DHCR24: variants seen among roughly 807,000 people sequenced by gnomAD.
DHCR24 encodes 24-dehydrocholesterol reductase, also known as delta(24)-sterol reductase.
Under a neutral mutation model 61.2 loss-of-function variants are expected in DHCR24, and 28 were observed. The observed-to-expected ratio is 0.46, with a 90% confidence interval of 0.34 to 0.63. The LOEUF (loss-of-function observed/expected upper bound fraction) is 0.63. Ranked by LOEUF, DHCR24 falls within the 20% of genes least tolerant of loss-of-function variation. DHCR24 has a pLI of 0.01. For synonymous variants in DHCR24, 261 were observed against 275.9 expected, an observed-to-expected ratio of 0.95 and a Z score of 0.54; for missense variants, 538 against 679.1, an observed-to-expected ratio of 0.79 and a Z score of 2.31.
In DHCR24 at chr1:54,868,792, G is replaced by A. The variant is rs559196719; in HGVS notation, c.876+2558C>T. On this transcript the variant is annotated intron_variant, in intron 5 of 8. Transcript: ENST00000371269. ...TCACAATAAACAAGAAAAAGGCTGG[G>A]TGCAGTGGGTCACGCCTGTAATCCC... is the stretch of plus-strand genomic sequence containing the variant. Among the ~76,000 whole-genome samples the A allele has an allele frequency of 2.4e-4, 37 of 152,280 alleles. 1 individual carries two copies. The highest frequency in any genetic ancestry group is 8.7e-4 in the African/African-American group (36 of 41,562).
intron 1 of DHCR24, 42 bp downstream of exon 1, chr1:54,886,847 C>T: frequency 1.2e-6 from 2 of 1,601,332 alleles, no homozygotes; most frequent in Admixed American, 3.4e-5. Flanking sequence ...CCGCGCACGC[C>T]GCCTCCGGCC....
chr1:54,865,245 C>T, intron 6 of DHCR24, 58 bp downstream of exon 6: 1 of 1,579,628 alleles, frequency 6.3e-7, no homozygotes, highest in Non-Finnish European at 8.6e-7. Flanking sequence ...TGTTAACTGT[C>T]CGGGCTCCCT....
intron 5 of DHCR24, among the ~76,000 whole-genome samples, chr1:54,866,317 T>C (rs912759394): frequency 4.6e-5 from 7 of 151,998 alleles, no homozygotes; most frequent in Non-Finnish European, 7.4e-5. Context: ...AGAAATTACA[T>C]ACATATGCCC....
intron 5 of DHCR24, among the ~76,000 whole-genome samples, chr1:54,868,848 C>T (rs541958881): frequency 1.3e-5 from 2 of 152,146 alleles, no homozygotes; most frequent in Non-Finnish European, 2.9e-5. Flanking sequence ...CAGGCGATCA[C>T]CTGAGCTCAG....
chr1:54,859,738 T>C lies in DHCR24; in HGVS notation c.1021-5504A>G, dbSNP rs115862327. Among the ~76,000 whole-genome samples, 1,097 of 152,356 alleles carry C rather than the reference T, an allele frequency of 7.2e-3. 4 individuals are homozygous for C. Among genetic ancestry groups the C allele is most frequent in the Middle Eastern group, 0.017 (5 of 294 alleles). Reference sequence around the variant, plus strand: ...CTCATCTATGGAATGGAAATAACACTAATATCTACTCTCAGAGGGTTGTTG... The same window carrying C: ...CTCATCTATGGAATGGAAATAACACCAATATCTACTCTCAGAGGGTTGTTG... On this transcript the variant is annotated intron_variant, in intron 6 of 8. Coordinates refer to ENST00000371269, the MANE Select transcript of DHCR24 (RefSeq NM_014762.4).
chr1:54,873,281 T>A (rs1257674181), intron 4 of DHCR24, among the ~76,000 whole-genome samples: 1 of 152,070 alleles, frequency 6.6e-6, no homozygotes, highest in Non-Finnish European at 1.5e-5. Flanking sequence ...ACTCATGTGT[T>A]TATGGTAACA....
chr1:54,859,133 T>C (rs963982034), intron 6 of DHCR24, among the ~76,000 whole-genome samples: 1 of 152,146 alleles, frequency 6.6e-6, no homozygotes, highest in Non-Finnish European at 1.5e-5. Flanking sequence ...CTCTCTTGGA[T>C]CACTTGCTCT....
Position 54,852,079 on chromosome 1 carries a change from TG to T in DHCR24, c.*153del. 1 of 868,656 alleles carries T rather than the reference TG, an allele frequency of 1.2e-6. No individual in the cohort carries two copies. Among genetic ancestry groups the T allele is most frequent in the Non-Finnish European group, 1.8e-6 (1 of 565,216 alleles). The allele number at this position is 868,656 out of a possible 1,614,324, so 53.8% of individuals were successfully genotyped here. A position where few individuals can be genotyped will look rare whatever the true frequency, so the allele number is the denominator to read the frequency against. On this transcript the variant is annotated 3_prime_UTR_variant, in exon 9 of 9. Transcript: ENST00000371269. ...CTTTCCATTCCACTGGGCTGCCCCC[TG>T]GAAGCCAGGAGGAAGGTGGTGTTGG...
intron 1 of DHCR24, among the ~76,000 whole-genome samples, chr1:54,885,245 G>A (rs1242468141): frequency 2.0e-5 from 3 of 152,154 alleles, no homozygotes; most frequent in African/African-American, 4.8e-5. Flanking sequence ...AGGATTCCAC[G>A]ACCAACCAGG....
intron 6 of DHCR24, 44 bp downstream of exon 6, chr1:54,865,259 C>T: frequency 2.5e-6 from 4 of 1,597,522 alleles, no homozygotes; most frequent in Non-Finnish European, 3.4e-6. Flanking sequence ...GCTCCCTGCC[C>T]AGCTGGCCTG....
intron 5 of DHCR24, among the ~76,000 whole-genome samples, chr1:54,868,241 T>C (rs924261332): frequency 6.6e-6 from 1 of 151,936 alleles, no homozygotes; most frequent in African/African-American, 2.4e-5. Context: ...GAGGCCGAGG[T>C]GGGTGGATCA....
Position 54,865,369 on chromosome 1 carries a change from G to A in DHCR24, c.954C>T (p.Gly318=), listed in dbSNP as rs1177490593. The A allele has an allele frequency of 1.2e-6, 2 of 1,614,186 alleles. No homozygotes were observed. Among genetic ancestry groups the A allele is most frequent in the African/African-American group, 1.3e-5 (1 of 75,038 alleles). ...AGTGTCTCAAGGGAATGTACTCCAG[G>A]CCCTCTCGGTTTGTCTTCAGATAGT... ...VENYLKTNRE[G]LEYIPLRHYY... The change falls in exon 6 of 9, where the codon GGC becomes GGT. Residue 318 remains glycine (G), a synonymous_variant. Transcript: ENST00000371269.
At chr1:54,854,432 C>T (rs1570179380) in intron 6 of DHCR24, among the ~76,000 whole-genome samples, 198 bp from the exon 7 acceptor site, 1 of 152,194 alleles carries the variant, frequency 6.6e-6, no homozygotes, top group South Asian at 2.1e-4. Context: ...CTCTGGCATT[C>T]GCCAGTAGTG....
intron 2 of DHCR24, among the ~76,000 whole-genome samples, chr1:54,882,188 A>T (rs562292440): frequency 6.6e-6 from 1 of 152,258 alleles, no homozygotes; most frequent in Non-Finnish European, 1.5e-5. Context: ...AATTTTTTTA[A>T]ATTGGCAAAA....
intron 4 of DHCR24, among the ~76,000 whole-genome samples, chr1:54,873,622 T>G (rs978542120): frequency 1.3e-5 from 2 of 152,214 alleles, no homozygotes; most frequent in African/African-American, 4.8e-5. Flanking sequence ...CTTGACTCTG[T>G]GTAGGCCTAA....
At chr1:54,875,905 G>T in intron 3 of DHCR24, 37 bp downstream of exon 3, 5 of 1,561,156 alleles carry the variant, frequency 3.2e-6, no homozygotes, top group Non-Finnish European at 3.5e-6. Flanking sequence ...TCCTAGGACC[G>T]TGTGTCTCTT....
Position 54,886,874 on chromosome 1 carries a change from C to T in DHCR24, c.231+15G>A. On this transcript the variant is annotated intron_variant, in intron 1 of 8. Coordinates refer to ENST00000371269, the MANE Select transcript of DHCR24 (RefSeq NM_014762.4). ...CCTCCGGCCCTGAGTCCCGGCCGCA[C>T]CCGGCGCCGCTCACCTGCTTCTGGA... The T allele has an allele frequency of 6.2e-7, 1 of 1,610,968 alleles. No homozygotes were observed. The highest frequency in any genetic ancestry group is 1.1e-5 in the South Asian group (1 of 90,676).
chr1:54,854,303 GC>G (rs1384036197), intron 6 of DHCR24, 69 bp from the exon 7 acceptor site: 4 of 1,371,120 alleles, frequency 2.9e-6, no homozygotes, highest in Non-Finnish European at 4.1e-6. Context: ...AGTGCAAGGG[GC>G]CAGGGGCCAG....
At chr1:54,877,802 G>A (rs1226127871) in intron 2 of DHCR24, among the ~76,000 whole-genome samples, 2 of 151,952 alleles carry the variant, frequency 1.3e-5, no homozygotes, top group East Asian at 3.9e-4. Flanking sequence ...CCTGAGGTCA[G>A]GAGTTCAAGA....
Sources: allele counts gnomAD v4.1 joint callset (sites outside exome capture counted in the v4.1 genomes callset), GRCh38; gene constraint gnomAD v4.1.1; transcripts MANE v1.5; gene names NCBI Gene and HGNC (gene_info 2026-07-23, HGNC 2026-07-21).